CTNNA3: variants seen among roughly 807,000 people sequenced by gnomAD.
The protein encoded by CTNNA3 is catenin alpha-3.
CTNNA3 carries 76 observed loss-of-function variants against 95.7 expected under a neutral mutation model. The observed-to-expected ratio is 0.79, with a 90% CI of 0.66 to 0.96. CTNNA3 has a LOEUF of 0.96. Ranked by LOEUF, CTNNA3 falls within the 40% of genes least tolerant of loss-of-function variation. CTNNA3 has a pLI of 0.00. For missense variants in CTNNA3, 1,191 were observed against 1,089.8 expected, an observed-to-expected ratio of 1.09 and a Z score of -1.31; for synonymous variants, 431 against 374.4, an observed-to-expected ratio of 1.15 and a Z score of -1.74.
chr10:67,200,734 A>G (rs1163062884), intron 6 of CTNNA3, among the ~76,000 whole-genome samples: 1 of 152,168 alleles, frequency 6.6e-6, no homozygotes, highest in Admixed American at 6.5e-5. Context: ...CCTAAAGCCC[A>G]AAAGACAGTC....
intron 6 of CTNNA3, among the ~76,000 whole-genome samples, chr10:67,195,026 T>C (rs1863284240): frequency 6.6e-6 from 1 of 151,850 alleles, no homozygotes; most frequent in Non-Finnish European, 1.5e-5. Flanking sequence ...TATCTTAGGA[T>C]GGGAAGAATC....
chr10:67,134,189 A>G (rs1234561496), intron 7 of CTNNA3, among the ~76,000 whole-genome samples: 1 of 152,176 alleles, frequency 6.6e-6, no homozygotes, highest in Non-Finnish European at 1.5e-5. Flanking sequence ...TACTTGAAGT[A>G]AGTAAATTAA....
At chr10:67,692,111 G>A (rs1158875529) in intron 1 of CTNNA3, among the ~76,000 whole-genome samples, 21 of 151,002 alleles carry the variant, frequency 1.4e-4, no homozygotes, top group Non-Finnish European at 2.5e-4. Context: ...CCTCCGGGAG[G>A]GAGGTGGGGG....
chr10:66,818,916 C>A lies in CTNNA3; in HGVS notation c.1048-43392G>T, dbSNP rs191802885. Among the ~76,000 whole-genome samples the A allele has an allele frequency of 4.0e-3, 607 of 151,828 alleles. 5 individuals carry two copies. Among genetic ancestry groups the A allele is most frequent in the African/African-American group, 0.013 (551 of 41,426 alleles). ...ACCAGCCTGGCCAACATGGCGAAAC[C>A]CCATCTCTACTAAAAACACAAAAAT... On this transcript the variant is annotated intron_variant, in intron 7 of 17. Transcript: ENST00000433211.
chr10:67,367,077 A>C (rs1843244868), intron 5 of CTNNA3, among the ~76,000 whole-genome samples: 1 of 152,194 alleles, frequency 6.6e-6, no homozygotes, highest in South Asian at 2.1e-4. Context: ...ACAAAAATGA[A>C]AAAGTGGGAC....
chr10:67,525,927 C>T (rs1234505353), intron 4 of CTNNA3, among the ~76,000 whole-genome samples: 1 of 152,114 alleles, frequency 6.6e-6, no homozygotes, highest in East Asian at 1.9e-4. Flanking sequence ...ATCCCATACC[C>T]GCAGCGTTAT....
rs369416377 is a variant in CTNNA3, at chr10:66,409,403, A to C, written c.1532-30051T>G. Among the ~76,000 whole-genome samples, 97 of 111,192 alleles carry C rather than the reference A, an allele frequency of 8.7e-4. 2 individuals are homozygous for C. The South Asian group carries it at 0.01, about 12-fold the overall frequency. The allele number at this position is 111,192 out of a possible 152,430, so 72.9% of individuals were successfully genotyped here. A position where few individuals can be genotyped will look rare whatever the true frequency, so the allele number is the denominator to read the frequency against. ...TACAGAGAATTTTCTAACTGTTCCC[A>C]AAAAAAAAAAATGTCTTTTTAAGAA... On this transcript the variant is annotated intron_variant, in intron 11 of 17. Coordinates refer to ENST00000433211, the MANE Select transcript of CTNNA3 (RefSeq NM_013266.4).
intron 7 of CTNNA3, among the ~76,000 whole-genome samples, chr10:66,867,485 A>G (rs1334108093): frequency 6.6e-6 from 1 of 152,218 alleles, no homozygotes; most frequent in Non-Finnish European, 1.5e-5. Flanking sequence ...GATACAAAGA[A>G]GGATAAACTG....
chr10:66,577,772 T>C (rs1843053802), intron 10 of CTNNA3, among the ~76,000 whole-genome samples: 1 of 152,130 alleles, frequency 6.6e-6, no homozygotes, highest in Non-Finnish European at 1.5e-5. Flanking sequence ...TCTGGCTTTG[T>C]TCTTTTTGCT....
intron 7 of CTNNA3, among the ~76,000 whole-genome samples, chr10:66,778,139 C>T (rs1840386130): frequency 6.6e-6 from 1 of 152,142 alleles, no homozygotes; most frequent in Admixed American, 6.6e-5. Context: ...TCCCTTCTTG[C>T]TTTTTTCTCC....
intron 10 of CTNNA3, among the ~76,000 whole-genome samples, chr10:66,576,295 C>A (rs968932671): frequency 6.6e-6 from 1 of 152,100 alleles, no homozygotes; most frequent in Non-Finnish European, 1.5e-5. Context: ...ATTTTATAAA[C>A]ATCCCAGCTG....
intron 7 of CTNNA3, among the ~76,000 whole-genome samples, chr10:66,781,381 C>T (rs1219259260): frequency 1.3e-5 from 2 of 152,060 alleles, no homozygotes; most frequent in Non-Finnish European, 2.9e-5. Flanking sequence ...TTATGCTTAG[C>T]ACATAGCACA....
chr10:66,533,537 T>A (rs1044680402), intron 10 of CTNNA3, among the ~76,000 whole-genome samples: 13 of 152,162 alleles, frequency 8.5e-5, no homozygotes, highest in Admixed American at 8.5e-4. Flanking sequence ...AGAGTGATCA[T>A]CTGATGAATG....
intron 11 of CTNNA3, among the ~76,000 whole-genome samples, chr10:66,447,388 G>C (rs1210929050): frequency 1.7e-4 from 23 of 131,528 alleles, no homozygotes; most frequent in African/African-American, 3.7e-4. Context: ...GCCAAAAGAA[G>C]AAAGCTGGAG....
chr10:66,114,360 ATATG>A (rs937045016), intron 13 of CTNNA3, among the ~76,000 whole-genome samples: 1 of 151,796 alleles, frequency 6.6e-6, no homozygotes, highest in Non-Finnish European at 1.5e-5. Context: ...ATCTGTATAT[ATATG>A]TGTGTGTGTG....
chr10:67,053,404 G>A (rs1285131189), intron 7 of CTNNA3, among the ~76,000 whole-genome samples: 3 of 151,982 alleles, frequency 2.0e-5, no homozygotes, highest in African/African-American at 4.8e-5. Context: ...CTTATTTTCT[G>A]GCAGACTTGA....
chr10:66,944,845 G>C (rs947225956), intron 7 of CTNNA3, among the ~76,000 whole-genome samples: 2 of 152,160 alleles, frequency 1.3e-5, no homozygotes, highest in African/African-American at 4.8e-5. Context: ...GAGCTCTTGG[G>C]TGACCAGATG....
At chr10:66,495,018 G>A (rs1283816954) in intron 11 of CTNNA3, among the ~76,000 whole-genome samples, 1 of 152,130 alleles carries the variant, frequency 6.6e-6, no homozygotes. Context: ...AATGCAGAGG[G>A]GAATGGGTGA....
chr10:67,154,660 T>C (rs1427900556), intron 7 of CTNNA3, among the ~76,000 whole-genome samples: 3 of 151,936 alleles, frequency 2.0e-5, no homozygotes, highest in Non-Finnish European at 4.4e-5. Context: ...TTTGCAGAGG[T>C]CCCCCTTTCA....
Sources: allele counts gnomAD v4.1 joint callset (sites outside exome capture counted in the v4.1 genomes callset), GRCh38; gene constraint gnomAD v4.1.1; transcripts MANE v1.5; gene names NCBI Gene and HGNC (gene_info 2026-07-23, HGNC 2026-07-21).